The following CNIH3 variants were observed in gnomAD, a reference collection of about 807,000 sequenced individuals.
CNIH3 encodes protein cornichon homolog 3.
CNIH3 carries 14 observed loss-of-function variants against 24.1 expected under a neutral mutation model. That is an observed-to-expected ratio of 0.58 (90% CI 0.38 to 0.91). The LOEUF is 0.91. Ranked by LOEUF, CNIH3 falls within the 40% of genes least tolerant of loss-of-function variation. The pLI, the probability that CNIH3 is intolerant of heterozygous loss-of-function variation, is 0.00. For missense variants in CNIH3, 178 were observed against 196.8 expected, an observed-to-expected ratio of 0.90 and a Z score of 0.57; for synonymous variants, 68 against 73.8, an observed-to-expected ratio of 0.92 and a Z score of 0.40.
chr1:224,471,025 C>T (rs977259158), intron 1 of CNIH3, among the ~76,000 whole-genome samples: 1 of 152,058 alleles, frequency 6.6e-6, no homozygotes, highest in Non-Finnish European at 1.5e-5. Context: ...CCTCGTTGTG[C>T]TAGCAAATAC....
At chr1:224,730,624 C>G (rs1472817222) in intron 4 of CNIH3, 50 bp downstream of exon 4, 16 of 1,154,442 alleles carry the variant, frequency 1.4e-5, no homozygotes, top group Middle Eastern at 1.9e-4. Context: ...GCCAGGGCAG[C>G]CTGCTCTCCA....
intron 5 of CNIH3, among the ~76,000 whole-genome samples, chr1:224,735,402 C>T (rs1689544679): frequency 6.6e-6 from 1 of 152,184 alleles, no homozygotes. Flanking sequence ...CAAATGTCTC[C>T]TCCTCCTTCC....
downstream of CNIH3, among the ~76,000 whole-genome samples, chr1:224,592,708 T>A (rs947717861): frequency 2.6e-5 from 4 of 152,110 alleles, no homozygotes; most frequent in Non-Finnish European, 4.4e-5. Flanking sequence ...AGGGCAGAAA[T>A]GGGGATCTAG....
At chr1:224,466,428 C>T (rs1479587665) in intron 1 of CNIH3, among the ~76,000 whole-genome samples, 5 of 152,130 alleles carry the variant, frequency 3.3e-5, no homozygotes, top group East Asian at 3.8e-4. Flanking sequence ...CTAATTCTAT[C>T]GTAGTTTTTT....
At chr1:224,668,529 G>C (rs1685705819) in intron 1 of CNIH3, among the ~76,000 whole-genome samples, 1 of 152,158 alleles carries the variant, frequency 6.6e-6, no homozygotes, top group Non-Finnish European at 1.5e-5. Flanking sequence ...GGATCTTCTT[G>C]GAAGATACTT....
intron 3 of CNIH3, among the ~76,000 whole-genome samples, chr1:224,712,419 T>A (rs1688205119): frequency 6.6e-6 from 1 of 152,186 alleles, no homozygotes; most frequent in South Asian, 2.1e-4. Flanking sequence ...ATCTTTTTGA[T>A]CTCTCCTTCT....
At chr1:224,729,896 G>C (rs922896994) in intron 3 of CNIH3, among the ~76,000 whole-genome samples, 16 of 152,088 alleles carry the variant, frequency 1.1e-4, no homozygotes, top group Non-Finnish European at 2.1e-4. Flanking sequence ...ATTGCTAATT[G>C]TTGTTTTTCT....
At chr1:224,713,381 T>C (rs1044929227) in intron 3 of CNIH3, among the ~76,000 whole-genome samples, 5 of 152,198 alleles carry the variant, frequency 3.3e-5, no homozygotes, top group African/African-American at 4.8e-5. Flanking sequence ...GCTTTGATGA[T>C]TCAGTGTGCA....
chr1:224,563,821 A>G (rs1187061832), intron 3 of CNIH3, among the ~76,000 whole-genome samples: 1 of 152,200 alleles, frequency 6.6e-6, no homozygotes, highest in Non-Finnish European at 1.5e-5. Context: ...TCAGGTTTCA[A>G]ACTAAATTTG....
chr1:224,434,710 G>A, exon 1 of CNIH3: 1 of 962,896 alleles, frequency 1.0e-6, no homozygotes, highest in South Asian at 4.6e-5. Context: ...GGCGGCGGGC[G>A]GCAGCGGAGG....
At chr1:224,575,442 A>ATT in intron 4 of CNIH3, 43 of 673,378 alleles carry the variant, frequency 6.4e-5, no homozygotes, top group Middle Eastern at 4.7e-4. Context: ...TTTCTGTCTC[A>ATT]TTTTTTTTTT....
intron 1 of CNIH3, among the ~76,000 whole-genome samples, chr1:224,619,752 A>G (rs1434349657): frequency 3.3e-5 from 5 of 152,234 alleles, no homozygotes; most frequent in Non-Finnish European, 5.9e-5. Context: ...CGGACAAGGC[A>G]TATTGATTGT....
chr1:224,705,142 G>A (rs558732584), intron 3 of CNIH3, among the ~76,000 whole-genome samples: 1 of 151,684 alleles, frequency 6.6e-6, no homozygotes, highest in South Asian at 2.1e-4. Flanking sequence ...AAATAAATCA[G>A]ACATTGCATC....
chr1:224,497,669 G>T (rs1198848620), intron 1 of CNIH3, among the ~76,000 whole-genome samples: 1 of 152,176 alleles, frequency 6.6e-6, no homozygotes, highest in African/African-American at 2.4e-5. Flanking sequence ...GTTTGTTGGA[G>T]CCCTCCAGGA....
At chr1:224,662,870 A>G (rs1404634033) in intron 1 of CNIH3, among the ~76,000 whole-genome samples, 3 of 152,176 alleles carry the variant, frequency 2.0e-5, no homozygotes, top group Non-Finnish European at 2.9e-5. Context: ...TAGGTAATCC[A>G]GTGAAGCCTG....
chr1:224,572,516 A>T (rs1415409267), intron 4 of CNIH3, among the ~76,000 whole-genome samples: 1 of 133,606 alleles, frequency 7.5e-6, no homozygotes, highest in African/African-American at 2.8e-5. Context: ...ACTCCATCTT[A>T]AAAAAAAAAA....
chr1:224,458,916 C>T lies in CNIH3; in HGVS notation n.203+24054C>T, dbSNP rs1323485676. Among the ~76,000 whole-genome samples the T allele has an allele frequency of 6.6e-6, 1 of 152,164 alleles. No individual in the cohort carries two copies. The highest frequency in any genetic ancestry group is 6.5e-5 in the Admixed American group (1 of 15,280). The stretch of plus-strand genomic sequence containing the variant: ...ACGGGGCCAGAACTTAGGAGGGGAG[C>T]GCTTTGCAGCAACTTTTCAAGAAAA... On this transcript the variant is annotated intron_variant and non_coding_transcript_variant, in intron 1 of 5. Coordinates refer to the CNIH3 transcript ENST00000471578. This position sits in a 1 kb window ranked among gnomAD's most constrained non-coding sequence, Gnocchi z 4.3.
At chr1:224,530,129 C>T (rs1224157865) in intron 2 of CNIH3, among the ~76,000 whole-genome samples, 1 of 152,166 alleles carries the variant, frequency 6.6e-6, no homozygotes, top group East Asian at 1.9e-4. Context: ...CAAAGCTTCA[C>T]CAAACACATG....
chr1:224,522,922 A>G (rs1678697993), intron 2 of CNIH3, among the ~76,000 whole-genome samples: 2 of 152,196 alleles, frequency 1.3e-5, no homozygotes. Context: ...ATGTGTGCGT[A>G]TGTGTAAGAA....
Sources: allele counts gnomAD v4.1 joint callset (sites outside exome capture counted in the v4.1 genomes callset), GRCh38; gene constraint gnomAD v4.1.1; non-coding constraint Gnocchi (gnomAD v3.1); transcripts MANE v1.5; gene names NCBI Gene and HGNC (gene_info 2026-07-23, HGNC 2026-07-21).